PLEKHH2: variants seen among roughly 807,000 people sequenced by gnomAD.
PLEKHH2 encodes pleckstrin homology, MyTH4 and FERM domain containing H2.
Under a neutral mutation model 187.9 loss-of-function variants are expected in PLEKHH2, and 129 were observed. That is an observed-to-expected ratio of 0.69 (90% CI 0.59 to 0.79). The LOEUF (loss-of-function observed/expected upper bound fraction) is 0.79. PLEKHH2 is among the 30% of genes least tolerant of loss of function. The pLI is 0.00. For missense variants in PLEKHH2, 2,076 were observed against 1,751.2 expected, an observed-to-expected ratio of 1.19 and a Z score of -3.31; for synonymous variants, 686 against 605.6, an observed-to-expected ratio of 1.13 and a Z score of -1.95.
In PLEKHH2 at chr2:43,741,055, A is replaced by G. The variant is rs1408350809; in HGVS notation, c.3221+12A>G. On this transcript the variant is annotated intron_variant, in intron 21 of 29. Coordinates refer to ENST00000282406, the MANE Select transcript of PLEKHH2 (RefSeq NM_172069.4). ...AATGCAGATTCCAGGTGTGCAGAAT[A>G]CTAGCCAGCTGAACTGTTTATGTGG... 1.9e-6 allele frequency: 3 copies of G among 1,597,368 alleles called. No homozygotes were observed. The highest frequency in any genetic ancestry group is 1.3e-5 in the African/African-American group (1 of 74,552).
chr2:43,673,018 C>G (rs1667563555), intron 2 of PLEKHH2, among the ~76,000 whole-genome samples: 1 of 152,138 alleles, frequency 6.6e-6, no homozygotes, highest in Admixed American at 6.5e-5. Flanking sequence ...ATATAATTTA[C>G]ACTTATTTTT....
chr2:43,741,687 G>C (rs1671568042), intron 21 of PLEKHH2, among the ~76,000 whole-genome samples: 1 of 152,180 alleles, frequency 6.6e-6, no homozygotes, highest in African/African-American at 2.4e-5. Context: ...ATATTCTACA[G>C]TTCATAATAC....
chr2:43,736,329 TGCCCTGC>T (rs1671292024), intron 19 of PLEKHH2, among the ~76,000 whole-genome samples: 2 of 152,188 alleles, frequency 1.3e-5, no homozygotes, highest in African/African-American at 4.8e-5. Flanking sequence ...GGACTGGATT[TGCCCTGC>T]CAGTGGTTTT....
chr2:43,695,603 G>C (rs374714955), intron 6 of PLEKHH2, among the ~76,000 whole-genome samples: 1 of 152,220 alleles, frequency 6.6e-6, no homozygotes, highest in South Asian at 2.1e-4. Flanking sequence ...TGGGAGGTCA[G>C]ACATATGGAT....
At chr2:43,654,304 C>T (rs930123738) in intron 2 of PLEKHH2, among the ~76,000 whole-genome samples, 2 of 152,090 alleles carry the variant, frequency 1.3e-5, no homozygotes, top group Admixed American at 6.5e-5. Flanking sequence ...AAGCGAGTCT[C>T]CTGCCTCAGC....
chr2:43,760,818 A>G (rs1333817196), intron 27 of PLEKHH2, among the ~76,000 whole-genome samples: 3 of 152,218 alleles, frequency 2.0e-5, no homozygotes, highest in Non-Finnish European at 4.4e-5. Context: ...AGCCCTGGCA[A>G]CTGCCACTCT....
chr2:43,658,977 T>C (rs563379143), intron 2 of PLEKHH2: 38 of 146,272 alleles, frequency 2.6e-4, no homozygotes, highest in Admixed American at 1.9e-3. Context: ...TTCTTTCTTT[T>C]TTTTTTTTTT....
chr2:43,667,529 C>T (rs187822162), intron 2 of PLEKHH2, among the ~76,000 whole-genome samples: 18 of 152,206 alleles, frequency 1.2e-4, no homozygotes, highest in South Asian at 4.1e-4. Context: ...AGTGAAACAA[C>T]GCAAAAGCTC....
intron 9 of PLEKHH2, among the ~76,000 whole-genome samples, chr2:43,705,254 T>TTTTTC (rs1669600347): frequency 7.9e-6 from 1 of 125,980 alleles, no homozygotes; most frequent in South Asian, 2.4e-4. Flanking sequence ...TTTTATCCTT[T>TTTTTC]TTTTTTTTTT....
chr2:43,671,059 C>T (rs930465152), intron 2 of PLEKHH2, among the ~76,000 whole-genome samples: 11 of 151,762 alleles, frequency 7.2e-5, no homozygotes, highest in Non-Finnish European at 1.3e-4. Context: ...TCTCGGCTCA[C>T]TGCAACCTCT....
chr2:43,764,185 A>T, intron 28 of PLEKHH2, 43 bp from the exon 29 acceptor site: 1 of 1,177,846 alleles, frequency 8.5e-7, no homozygotes, highest in Non-Finnish European at 1.1e-6. Flanking sequence ...CTCTCCTTGG[A>T]AGTAAGAGCA....
chr2:43,696,180 C>A (rs1245441207), intron 6 of PLEKHH2, among the ~76,000 whole-genome samples: 1 of 152,060 alleles, frequency 6.6e-6, no homozygotes, highest in Non-Finnish European at 1.5e-5. Flanking sequence ...TAACTTTTGG[C>A]TGGGCCACTG....
At chr2:43,725,565 A>G (rs1231467032) in intron 16 of PLEKHH2, among the ~76,000 whole-genome samples, 1 of 152,186 alleles carries the variant, frequency 6.6e-6, no homozygotes, top group Non-Finnish European at 1.5e-5. Context: ...CGTTTTTAAA[A>G]AGGAAAGTTT....
chr2:43,641,664 G>C (rs1665937114), intron 1 of PLEKHH2, among the ~76,000 whole-genome samples: 1 of 152,156 alleles, frequency 6.6e-6, no homozygotes, highest in Non-Finnish European at 1.5e-5. Context: ...TTGTGTTACT[G>C]TGTATATATG....
intron 16 of PLEKHH2, among the ~76,000 whole-genome samples, chr2:43,724,500 C>A (rs1329497294): frequency 1.3e-5 from 2 of 152,178 alleles, no homozygotes; most frequent in African/African-American, 2.4e-5. Flanking sequence ...AAATATTCAA[C>A]ACACCAGATA....
chr2:43,660,620 T>G, intron 2 of PLEKHH2, among the ~76,000 whole-genome samples: 1 of 39,282 alleles, frequency 2.5e-5, no homozygotes, highest in South Asian at 9.7e-4. Context: ...CCCTCCCCCC[T>G]CCCCCCACCC....
intron 2 of PLEKHH2, among the ~76,000 whole-genome samples, chr2:43,665,828 C>G (rs1411725652): frequency 7.5e-6 from 1 of 133,960 alleles, no homozygotes; most frequent in Non-Finnish European, 1.6e-5. Flanking sequence ...GCAGTCTGCC[C>G]GTTCTCAGAT....
intron 25 of PLEKHH2, among the ~76,000 whole-genome samples, chr2:43,754,165 TACACACACACACACACACAC>T (rs373399236): frequency 2.5e-5 from 3 of 118,082 alleles, no homozygotes; most frequent in African/African-American, 1.4e-4. Context: ...TTCAATCTTC[TACACACACACACACACACAC>T]ACACACACAC....
chr2:43,734,815 CTG>C (rs1671211488), intron 19 of PLEKHH2, among the ~76,000 whole-genome samples: 1 of 152,196 alleles, frequency 6.6e-6, no homozygotes, highest in South Asian at 2.1e-4. Flanking sequence ...TATTATAGCA[CTG>C]TTCACAAGAA....
Sources: allele counts gnomAD v4.1 joint callset (sites outside exome capture counted in the v4.1 genomes callset), GRCh38; gene constraint gnomAD v4.1.1; transcripts MANE v1.5; gene names NCBI Gene and HGNC (gene_info 2026-07-23, HGNC 2026-07-21).